Variants in GYS2 observed in about 807,000 individuals in gnomAD.
GYS2 encodes the protein glycogen synthase 2, also known as glycogen [starch] synthase, liver.
In GYS2, 80 loss-of-function variants were observed where a neutral mutation model predicts 85.6. The observed-to-expected ratio is 0.93, with a 90% CI of 0.78 to 1.13. GYS2 has a LOEUF of 1.13. GYS2 is among the 50% of genes most tolerant of loss of function. GYS2 has a pLI of 0.00. For synonymous variants in GYS2, 328 were observed against 300.7 expected, an observed-to-expected ratio of 1.09 and a Z score of -0.94; for missense variants, 881 against 854.9, an observed-to-expected ratio of 1.03 and a Z score of -0.38.
chr12:21,558,160 A>G lies in GYS2; in HGVS notation c.1422+40T>C, dbSNP rs751827887. ...AATAAATTCTCAGAAAATATATTTT[A>G]AGTAAGTTTAAAGTTCGCCACATGA... On this transcript the variant is annotated intron_variant, in intron 11 of 15. Coordinates refer to ENST00000261195, the MANE Select transcript of GYS2 (RefSeq NM_021957.4). 2.7e-6 allele frequency: 3 copies of G among 1,099,884 alleles called. No homozygotes were observed. The African/African-American group carries it at 4.6e-5, about 17-fold the overall frequency. 68.1% of individuals were successfully genotyped at this position (1,099,884 alleles called of 1,614,324 possible).
At chr12:21,602,740 T>C (rs372719315) in intron 1 of GYS2, among the ~76,000 whole-genome samples, 46 of 151,122 alleles carry the variant, frequency 3.0e-4, no homozygotes, top group African/African-American at 1.1e-3. Context: ...GGCACTGTTC[T>C]AGACCCTGAG....
At chr12:21,587,215 C>T (rs989905786) in intron 1 of GYS2, among the ~76,000 whole-genome samples, 2 of 152,124 alleles carry the variant, frequency 1.3e-5, no homozygotes, top group Non-Finnish European at 2.9e-5. Context: ...ATGGTGAGGA[C>T]TGAAAAACTA....
intron 5 of GYS2, among the ~76,000 whole-genome samples, chr12:21,564,911 A>G (rs551862199): frequency 7.2e-5 from 11 of 152,258 alleles, no homozygotes; most frequent in Non-Finnish European, 1.5e-5. Context: ...CAGAGGCTGG[A>G]TTTAGAACCA....
chr12:21,594,258 G>T (rs1944671432), intron 1 of GYS2, among the ~76,000 whole-genome samples: 1 of 151,914 alleles, frequency 6.6e-6, no homozygotes, highest in South Asian at 2.1e-4. Flanking sequence ...ACAGCTTTCA[G>T]GTCAGAGAAA....
chr12:21,541,638 G>A (rs748826231), intron 13 of GYS2, among the ~76,000 whole-genome samples: 7 of 152,064 alleles, frequency 4.6e-5, no homozygotes, highest in Non-Finnish European at 1.0e-4. Context: ...TGTCTCATGG[G>A]CAATATATTA....
rs1230380080 is a variant in GYS2 at position 21,536,563 on chromosome 12, G to A, written c.*391C>T. On this transcript the variant is annotated 3_prime_UTR_variant, in exon 16 of 16. Transcript: ENST00000261195. Reference sequence around the variant, plus strand: ...TTCATGGGTAAGATCAAGGTTTTCGGGGGGGAAATGGGAAATTTGTGTGGT... The same window carrying A: ...TTCATGGGTAAGATCAAGGTTTTCGAGGGGGAAATGGGAAATTTGTGTGGT... 8.6e-6 allele frequency: 2 copies of A among 231,800 alleles called. No individual in the cohort carries two copies. The highest frequency in any genetic ancestry group is 1.7e-5 in the Non-Finnish European group (2 of 118,092). 14.4% of individuals were successfully genotyped at this position (231,800 alleles called of 1,614,324 possible).
At chr12:21,540,040 T>C (rs541756724) in intron 14 of GYS2, among the ~76,000 whole-genome samples, 49 of 152,362 alleles carry the variant, frequency 3.2e-4, no homozygotes, top group African/African-American at 1.1e-3. Context: ...CTCACTACAG[T>C]TGAGAAATAT....
intron 1 of GYS2, among the ~76,000 whole-genome samples, chr12:21,588,719 G>A (rs1049243914): frequency 1.2e-4 from 18 of 152,166 alleles, no homozygotes; most frequent in Admixed American, 1.3e-4. Flanking sequence ...GACTGGACAA[G>A]AACAGACATG....
chr12:21,571,922 A>T (rs1270486215), intron 4 of GYS2, among the ~76,000 whole-genome samples: 1 of 140,018 alleles, frequency 7.1e-6, no homozygotes, highest in East Asian at 2.4e-4. Flanking sequence ...AGATCACGCT[A>T]CGGCACTCTA....
At chr12:21,568,821 A>G in intron 5 of GYS2, 44 bp downstream of exon 5, 2 of 1,564,476 alleles carry the variant, frequency 1.3e-6, no homozygotes, top group Non-Finnish European at 1.8e-6. Context: ...ATAGTGTAAC[A>G]TCATTCGGAA....
intron 1 of GYS2, among the ~76,000 whole-genome samples, chr12:21,583,410 G>A (rs187817312): frequency 6.6e-6 from 1 of 152,280 alleles, no homozygotes; most frequent in South Asian, 2.1e-4. Context: ...TGATTTGGGT[G>A]TGTTACTCTG....
At chr12:21,583,460 G>A (rs1460046304) in intron 1 of GYS2, among the ~76,000 whole-genome samples, 1 of 152,176 alleles carries the variant, frequency 6.6e-6, no homozygotes, top group Non-Finnish European at 1.5e-5. Context: ...CCAGTTTTGA[G>A]TGGAGTCCAG....
At chr12:21,577,393 G>T (rs1012416158) in intron 2 of GYS2, among the ~76,000 whole-genome samples, 1 of 152,080 alleles carries the variant, frequency 6.6e-6, no homozygotes, top group African/African-American at 2.4e-5. Context: ...AAGCCAATTG[G>T]CATTGACCTC....
rs571493564 is a variant in GYS2 at position 21,537,062 on chromosome 12, G to A, written c.2004C>T (p.Tyr668=). Residue 668 remains tyrosine (Y), a synonymous_variant, in exon 16 of 16, where the codon TAC becomes TAT. Transcript: ENST00000261195. ...CCCTTTCAGCCTCCTCTTCCTCATC[G>A]TATCTCTCATCCTCCACTTCATCTT... is the stretch of plus-strand genomic sequence containing the variant. ...DVEDEVEDER[Y]DEEEEAERDR... 1.4e-5 allele frequency: 22 copies of A among 1,613,430 alleles called. No homozygotes were observed. Among genetic ancestry groups the A allele is most frequent in the African/African-American group, 5.3e-5 (4 of 74,938 alleles).
At chr12:21,581,304 C>T (rs919104854) in intron 1 of GYS2, among the ~76,000 whole-genome samples, 1 of 152,134 alleles carries the variant, frequency 6.6e-6, no homozygotes, top group African/African-American at 2.4e-5. Flanking sequence ...ACATCCTGGG[C>T]CTGGTTAAAG....
chr12:21,570,391 A>G (rs962022878), intron 4 of GYS2, among the ~76,000 whole-genome samples: 4 of 152,260 alleles, frequency 2.6e-5, no homozygotes, highest in Non-Finnish European at 5.9e-5. Context: ...ATGTGTCTGA[A>G]TAAGTTATAG....
chr12:21,543,031 C>T (rs1227143413), intron 12 of GYS2, among the ~76,000 whole-genome samples: 1 of 152,176 alleles, frequency 6.6e-6, no homozygotes, highest in East Asian at 1.9e-4. Flanking sequence ...TTGGATGCGA[C>T]CAGCTTCTTC....
Position 21,542,594 on chromosome 12 carries a change from G to A in GYS2, c.1550-3C>T, listed in dbSNP as rs756746792. 6 of 1,606,398 alleles carry A rather than the reference G, an allele frequency of 3.7e-6. No homozygotes were observed. Among genetic ancestry groups the A allele is most frequent in the South Asian group, 1.1e-5 (1 of 90,916 alleles). On this transcript the variant is annotated splice_polypyrimidine_tract_variant and splice_region_variant and intron_variant, in intron 12 of 15. Coordinates refer to ENST00000261195, the MANE Select transcript of GYS2 (RefSeq NM_021957.4). The stretch of plus-strand genomic sequence containing the variant: ...GATACCCATCACAGTGCATTCAGCT[G>A]CCAGGGGAAATAGACCAAAGCTTGG...
chr12:21,571,911 G>A (rs1369795120), intron 4 of GYS2, among the ~76,000 whole-genome samples: 2 of 140,042 alleles, frequency 1.4e-5, no homozygotes, highest in African/African-American at 2.6e-5. Flanking sequence ...GCAGTGAGCC[G>A]AGATCACGCT....
Sources: allele counts gnomAD v4.1 joint callset (sites outside exome capture counted in the v4.1 genomes callset), GRCh38; gene constraint gnomAD v4.1.1; transcripts MANE v1.5; gene names NCBI Gene and HGNC (gene_info 2026-07-23, HGNC 2026-07-21).